The following PRKAR1A variants were observed in gnomAD, a reference collection of about 807,000 sequenced individuals.
PRKAR1A encodes protein kinase cAMP-dependent type I regulatory subunit alpha, also known as cAMP-dependent protein kinase type I-alpha regulatory subunit.
PRKAR1A carries 3 observed loss-of-function variants against 52.0 expected under a neutral mutation model. The observed-to-expected ratio is 0.06, with a 90% confidence interval of 0.03 to 0.15. PRKAR1A has a LOEUF of 0.15. PRKAR1A is among the 10% of genes least tolerant of loss of function. The pLI, the probability that PRKAR1A is intolerant of heterozygous loss-of-function variation, is 1.00. For synonymous variants in PRKAR1A, 188 were observed against 168.4 expected (o/e 1.12, Z -0.90); for missense variants, 240 against 477.4 (o/e 0.50, Z 4.63).
At chr17:68,515,100 C>A in intron 1 of PRKAR1A, 1 of 415,208 alleles carries the variant, frequency 2.4e-6, no homozygotes, top group South Asian at 2.4e-5. Flanking sequence ...GGCCTGACTT[C>A]AGCACCCGTC....
At chr17:68,546,600 G>T (rs894122922) in intron 11 of PRKAR1A, among the ~76,000 whole-genome samples, 1 of 152,058 alleles carries the variant, frequency 6.6e-6, no homozygotes, top group African/African-American at 2.4e-5. Flanking sequence ...GGAGGCCGAG[G>T]CGGGCGGATC....
At chr17:68,461,594 A>G in the PRKAR1A span, among the ~76,000 whole-genome samples, 2 of 152,246 alleles carry the variant, frequency 1.3e-5, no homozygotes, top group Admixed American at 1.3e-4. This position sits in a 1 kb window ranked among gnomAD's most constrained non-coding sequence, Gnocchi z 4.6. Context: ...CTATTTTTAT[A>G]AAATCAAGTT....
At chr17:68,434,655 T>C in the PRKAR1A span, 1 of 1,611,780 alleles carries the variant, frequency 6.2e-7, no homozygotes, top group South Asian at 1.1e-5. Flanking sequence ...GGACATTTCA[T>C]AACCATTAGT....
the PRKAR1A span, among the ~76,000 whole-genome samples, chr17:68,422,960 C>T: frequency 6.6e-6 from 1 of 152,016 alleles, no homozygotes; most frequent in African/African-American, 2.4e-5. Context: ...AAAGTAAATC[C>T]CAAGGAGGCA....
At chr17:68,523,059 C>T (rs1168435879) in intron 3 of PRKAR1A, 133 bp downstream of exon 3, 3 of 1,088,910 alleles carry the variant, frequency 2.8e-6, no homozygotes, top group East Asian at 2.6e-5. Flanking sequence ...TTCTTGGGTA[C>T]TGGAAAACAG....
intron 11 of PRKAR1A, among the ~76,000 whole-genome samples, chr17:68,547,864 CA>C (rs1157058181): frequency 6.6e-6 from 1 of 152,224 alleles, no homozygotes; most frequent in Non-Finnish European, 1.5e-5. Flanking sequence ...CTGACTGGCA[CA>C]AAAAGCTTAG....
chr17:68,444,008 T>C, the PRKAR1A span, among the ~76,000 whole-genome samples: 1 of 152,224 alleles, frequency 6.6e-6, no homozygotes, highest in South Asian at 2.1e-4. Flanking sequence ...AGGTTTAATA[T>C]CCTAGCATAT....
At chr17:68,505,370 C>T in the PRKAR1A span, among the ~76,000 whole-genome samples, 1 of 152,190 alleles carries the variant, frequency 6.6e-6, no homozygotes, top group African/African-American at 2.4e-5. Flanking sequence ...GAGGGATAAA[C>T]AGTGGACCAC....
chr17:68,468,109 ACCCAGGC>A, the PRKAR1A span, among the ~76,000 whole-genome samples: 2 of 152,126 alleles, frequency 1.3e-5, no homozygotes, highest in African/African-American at 4.8e-5. Context: ...TTGCCATGTC[ACCCAGGC>A]TGTGATGGAG....
chr17:68,489,210 A>ATGGAAAG, the PRKAR1A span, among the ~76,000 whole-genome samples: 2 of 47,130 alleles, frequency 4.2e-5, no homozygotes, highest in African/African-American at 8.9e-5. Flanking sequence ...ATATATATAT[A>ATGGAAAG]TATATATATA....
chr17:68,462,445 C>T, the PRKAR1A span, among the ~76,000 whole-genome samples: 2 of 152,206 alleles, frequency 1.3e-5, no homozygotes, highest in Non-Finnish European at 2.9e-5. Flanking sequence ...GCCAATCACC[C>T]TGCCTTAAAT....
chr17:68,437,315 C>G, the PRKAR1A span, among the ~76,000 whole-genome samples: 77,546 of 151,872 alleles, frequency 0.51, 20,423 homozygotes, highest in African/African-American at 0.62. Context: ...AGCACTTTGG[C>G]AGGCCGAGGC....
chr17:68,446,002 C>T, the PRKAR1A span, among the ~76,000 whole-genome samples: 1 of 152,120 alleles, frequency 6.6e-6, no homozygotes, highest in African/African-American at 2.4e-5. Context: ...TCAGCCAGCT[C>T]CTTTTATTCC....
the PRKAR1A span, among the ~76,000 whole-genome samples, chr17:68,489,670 C>T: frequency 4.0e-5 from 6 of 151,670 alleles, no homozygotes; most frequent in Admixed American, 3.3e-4. Flanking sequence ...CATGCCTCAG[C>T]CTCCCAAGTA....
At chr17:68,542,640 A>G in intron 11 of PRKAR1A, 1 of 1,355,546 alleles carries the variant, frequency 7.4e-7, no homozygotes. Context: ...AGGGGTGGAC[A>G]CTCTGGCTTA....
intron 11 of PRKAR1A, chr17:68,542,597 C>G: frequency 1.1e-6 from 1 of 921,608 alleles, no homozygotes; most frequent in Non-Finnish European, 1.8e-6. Context: ...ATGGATAGTG[C>G]TAGCAGCAGG....
the PRKAR1A span, chr17:68,444,623 C>A: frequency 2.5e-6 from 4 of 1,575,102 alleles, no homozygotes; most frequent in Non-Finnish European, 3.5e-6. Context: ...TCTACCGAAC[C>A]GTTCCTTACA....
chr17:68,510,538 T>G (rs1407027816), upstream of PRKAR1A, among the ~76,000 whole-genome samples: 1 of 152,092 alleles, frequency 6.6e-6, no homozygotes. Context: ...GAAACCAAAC[T>G]CAGATTTACC....
chr17:68,420,552 C>A, the PRKAR1A span: 7 of 1,427,366 alleles, frequency 4.9e-6, no homozygotes, highest in Admixed American at 1.3e-4. Flanking sequence ...TACAAACACA[C>A]GCTTTAGTTT....
Sources: allele counts gnomAD v4.1 joint callset (sites outside exome capture counted in the v4.1 genomes callset), GRCh38; gene constraint gnomAD v4.1.1; non-coding constraint Gnocchi (gnomAD v3.1); transcripts MANE v1.5; gene names NCBI Gene and HGNC (gene_info 2026-07-23, HGNC 2026-07-21).